The following ZSWIM3 variants were observed in gnomAD, a reference collection of about 807,000 sequenced individuals.
ZSWIM3 encodes the protein zinc finger SWIM domain-containing protein 3.
Under a neutral mutation model 47.5 loss-of-function variants are expected in ZSWIM3, and 27 were observed. That is an observed-to-expected ratio of 0.57 (90% confidence interval 0.42 to 0.78). The LOEUF (loss-of-function observed/expected upper bound fraction) is 0.78. ZSWIM3 is among the 30% of genes least tolerant of loss of function. The probability of loss-of-function intolerance (pLI) is 0.00; values close to 1 mark genes in which losing one functional copy is unlikely to be tolerated. For synonymous variants in ZSWIM3, 333 were observed against 333.9 expected (o/e 1.00, Z 0.03); for missense variants, 689 against 861.3 (o/e 0.80, Z 2.50).
chr20:45,865,437 A>G (rs1466213953), intron 1 of ZSWIM3, among the ~76,000 whole-genome samples: 2 of 151,752 alleles, frequency 1.3e-5, no homozygotes, highest in African/African-American at 4.8e-5. Context: ...GCAGTGAGCC[A>G]AGATCGTGCC....
At chr20:45,871,587 T>C (rs1985974539) in intron 1 of ZSWIM3, among the ~76,000 whole-genome samples, 1 of 152,018 alleles carries the variant, frequency 6.6e-6, no homozygotes, top group Non-Finnish European at 1.5e-5. Flanking sequence ...CTGAATTCTG[T>C]GTACCAAATA....
intron 1 of ZSWIM3, among the ~76,000 whole-genome samples, chr20:45,863,978 G>A (rs1985771888): frequency 6.6e-6 from 1 of 152,144 alleles, no homozygotes; most frequent in Non-Finnish European, 1.5e-5. Flanking sequence ...AGCCTGAGCA[G>A]CAGAGCGAGA....
chr20:45,865,033 T>G (rs897834707), intron 1 of ZSWIM3, among the ~76,000 whole-genome samples: 5 of 151,082 alleles, frequency 3.3e-5, no homozygotes, highest in African/African-American at 1.2e-4. Flanking sequence ...TATCCAGGCA[T>G]GTAGCCGGGG....
At chr20:45,875,490 T>G (rs78826551) in intron 1 of ZSWIM3, among the ~76,000 whole-genome samples, 83,527 of 151,592 alleles carry the variant, frequency 0.55, 23,778 homozygotes, top group Admixed American at 0.63. Context: ...CTATTTTTTT[T>G]TTTGTTTGTT....
intron 1 of ZSWIM3, among the ~76,000 whole-genome samples, chr20:45,859,792 C>CAAAAAAAAAAAAAAAAAA (rs765560893): frequency 1.9e-5 from 1 of 52,098 alleles, no homozygotes; most frequent in African/African-American, 6.2e-5. Flanking sequence ...GAGAGGAATA[C>CAAAAAAAAAAAAAAAAAA]AAAAAAAAAA....
rs1419049273 is a variant in ZSWIM3, at chr20:45,877,502, A to T, written c.944A>T (p.Glu315Val). The T allele has an allele frequency of 6.2e-7, 1 of 1,614,140 alleles. No individual in the cohort carries two copies. The highest frequency in any genetic ancestry group is 2.2e-5 in the East Asian group (1 of 44,886). The change falls in exon 2 of 2, where the codon GAG becomes GTG. Residue 315 changes from glutamate to valine, a missense_variant. Coordinates refer to ENST00000255152, the MANE Select transcript of ZSWIM3 (RefSeq NM_080752.4). Reference sequence around the variant, plus strand: ...ATCTACCACACAACCCGACTCTTGGAGAAGAAGTTGCATCGTAGTTCAGCA... The same window carrying T: ...ATCTACCACACAACCCGACTCTTGGTGAAGAAGTTGCATCGTAGTTCAGCA... Reference protein sequence around the residue: ...LSIYHTTRLLEKKLHRSSANP... With the variant: ...LSIYHTTRLLVKKLHRSSANP...
At chr20:45,860,576 C>T (rs919392047) in intron 1 of ZSWIM3, among the ~76,000 whole-genome samples, 3 of 151,378 alleles carry the variant, frequency 2.0e-5, no homozygotes, top group African/African-American at 7.3e-5. Context: ...AGAGGCTGCC[C>T]AACACACCTT....
intron 1 of ZSWIM3, among the ~76,000 whole-genome samples, chr20:45,873,991 T>C (rs890337047): frequency 6.6e-6 from 1 of 152,216 alleles, no homozygotes; most frequent in African/African-American, 2.4e-5. Context: ...AATCATCACT[T>C]TAAGCCTAGA....
At chr20:45,858,042 C>T in intron 1 of ZSWIM3, 62 bp downstream of exon 1, 3 of 1,552,196 alleles carry the variant, frequency 1.9e-6, no homozygotes, top group Non-Finnish European at 2.6e-6. Context: ...CTCCGGAGGG[C>T]TGCCTGGAGG....
chr20:45,874,673 C>T (rs1037807149), intron 1 of ZSWIM3, among the ~76,000 whole-genome samples: 3 of 152,150 alleles, frequency 2.0e-5, no homozygotes, highest in Admixed American at 6.5e-5. Context: ...GAAGAGACAG[C>T]GGTAGTTCCC....
chr20:45,867,620 C>T (rs1985878305), intron 1 of ZSWIM3, among the ~76,000 whole-genome samples: 1 of 152,146 alleles, frequency 6.6e-6, no homozygotes, highest in Non-Finnish European at 1.5e-5. Context: ...GGGCAGTTGG[C>T]CTTGGAGTAT....
In ZSWIM3 at chr20:45,878,433, G is replaced by C; in HGVS notation, c.1875G>C (p.Glu625Asp). The change falls in exon 2 of 2, where the codon GAG (glutamate) becomes GAC (aspartate). Residue 625 changes from glutamate (E) to aspartate (D), a missense_variant. Coordinates refer to ENST00000255152, the MANE Select transcript of ZSWIM3 (RefSeq NM_080752.4). ...ACATGATTCAGGACCTAAGCAGGGA[G>C]TTAGCAAACCTGCTCATGCAGACCG... ...RNDMIQDLSR[E>D]LANLLMQTEG... is the part of the protein sequence containing the mutation. The C allele has an allele frequency of 5.6e-6, 9 of 1,614,216 alleles. No homozygotes were observed. The highest frequency in any genetic ancestry group is 5.9e-6 in the Non-Finnish European group (7 of 1,180,040).
chr20:45,857,993 G>A lies in ZSWIM3; in HGVS notation c.155+13G>A. The A allele has an allele frequency of 1.3e-6, 2 of 1,581,308 alleles. No individual in the cohort carries two copies. Among genetic ancestry groups the A allele is most frequent in the African/African-American group, 1.3e-5 (1 of 74,472 alleles). On this transcript the variant is annotated intron_variant, in intron 1 of 1. Transcript: ENST00000255152. ...GCGAAGACATCCTGTAAGGGCGGGC[G>A]GGGCGGGGCGGGCCAAGAGGGTGGG...
At position 45,862,392 on chromosome 20, in the gene ZSWIM3, C is replaced by T. The variant is rs539267163; in HGVS notation, c.155+4412C>T. On this transcript the variant is annotated intron_variant, in intron 1 of 1. Coordinates refer to ENST00000255152, the MANE Select transcript of ZSWIM3 (RefSeq NM_080752.4). ...CAATCTCCTGACCCGGTGATCCACC[C>T]GCCTCAGCCTCCCCTGCTGGGATTA... Among the ~76,000 whole-genome samples the T allele has an allele frequency of 3.3e-5, 5 of 151,938 alleles. No homozygotes were observed. The South Asian group carries it at 8.4e-4, about 25-fold the overall frequency.
In ZSWIM3 at chr20:45,877,463, G is replaced by A. The variant is rs569141770; in HGVS notation, c.905G>A (p.Arg302His). The change falls in exon 2 of 2, where the codon CGC (arginine) becomes CAC (histidine). Residue 302 changes from arginine to histidine, a missense_variant. By Grantham distance (29) the Arg-to-His change is conservative. Coordinates refer to ENST00000255152, the MANE Select transcript of ZSWIM3 (RefSeq NM_080752.4). Reference protein sequence around the residue: ...AILQEIFPAARILLSIYHTTR... With the variant: ...AILQEIFPAAHILLSIYHTTR... ...CTGCAGGAGATCTTTCCTGCTGCCC[G>A]CATCCTCCTTTCCATCTACCACACA... The A allele has an allele frequency of 1.2e-4, 200 of 1,614,112 alleles. 1 individual carries two copies. The South Asian group carries it at 1.7e-3, about 14-fold the overall frequency.
chr20:45,868,038 A>C (rs1327419364), intron 1 of ZSWIM3, among the ~76,000 whole-genome samples: 1 of 152,224 alleles, frequency 6.6e-6, no homozygotes, highest in Non-Finnish European at 1.5e-5. Flanking sequence ...GTCACTACTT[A>C]ACCATCCCTC....
Position 45,877,194 on chromosome 20 carries a change from C to T in ZSWIM3, c.636C>T (p.Asp212=). ...GCTTCCAGAGCAGTAAGATGACCGACCTGTTCATCCGCTTCCCAGAGAATC... is the reference window on the plus strand; with the variant it reads ...GCTTCCAGAGCAGTAAGATGACCGATCTGTTCATCCGCTTCCCAGAGAATC... ...RLSFQSSKMT[D]LFIRFPENLL... The change falls in exon 2 of 2, where the codon GAC becomes GAT. Residue 212 remains aspartate, a synonymous_variant. Coordinates refer to ENST00000255152, the MANE Select transcript of ZSWIM3 (RefSeq NM_080752.4). 9 of 1,614,158 alleles carry T rather than the reference C, an allele frequency of 5.6e-6. 1 individual carries two copies. Among genetic ancestry groups the T allele is most frequent in the Middle Eastern group, 3.3e-4 (2 of 6,062 alleles).
At chr20:45,865,713 C>G (rs972598191) in intron 1 of ZSWIM3, among the ~76,000 whole-genome samples, 1 of 151,788 alleles carries the variant, frequency 6.6e-6, no homozygotes, top group Non-Finnish European at 1.5e-5. Context: ...AAGAAAAATT[C>G]AGGGCTGGGC....
Position 45,878,842 on chromosome 20 carries a change from C to G in ZSWIM3, c.*193C>G, listed in dbSNP as rs1339670547. 1.3e-6 allele frequency: 1 copy of G among 745,208 alleles called. No homozygotes were observed. The highest frequency in any genetic ancestry group is 2.0e-6 in the Non-Finnish European group (1 of 488,426). The allele number at this position is 745,208 out of a possible 1,614,324, so 46.2% of individuals were successfully genotyped here. A position where few individuals can be genotyped will look rare whatever the true frequency, so the allele number is the denominator to read the frequency against. ...TTCAATCTGCCCCTTTTCAGCCCTACTTTTGGCATTCCTTGGGAGCCTCAG... is the reference window on the plus strand; with the variant it reads ...TTCAATCTGCCCCTTTTCAGCCCTAGTTTTGGCATTCCTTGGGAGCCTCAG... On this transcript the variant is annotated 3_prime_UTR_variant, in exon 2 of 2. Coordinates refer to ENST00000255152, the MANE Select transcript of ZSWIM3 (RefSeq NM_080752.4).
Sources: gnomAD v4.1 joint callset for allele counts (sites outside exome capture counted in the v4.1 genomes callset) on GRCh38, gnomAD v4.1.1 for gene constraint, MANE v1.5 for transcripts, NCBI Gene and HGNC (gene_info 2026-07-23, HGNC 2026-07-21) for gene names.